Variants in NANOS3 observed in about 807,000 individuals in gnomAD.
NANOS3 encodes nanos homolog 3.
Under a neutral mutation model 13.8 loss-of-function variants are expected in NANOS3, and 11 were observed. That is an observed-to-expected ratio of 0.80 (90% CI 0.50 to 1.32). The LOEUF (loss-of-function observed/expected upper bound fraction) is 1.32. Ranked by LOEUF, NANOS3 falls within the 40% of genes most tolerant of loss-of-function variation. The pLI is 0.00. For missense variants in NANOS3, 221 were observed against 263.8 expected, an observed-to-expected ratio of 0.84 and a Z score of 1.12; for synonymous variants, 119 against 115.4, an observed-to-expected ratio of 1.03 and a Z score of -0.20.
chr19:13,865,567 G>GCGCCCCGGCCTCTGCGGCCCGGC (rs1976223588), intron 1 of NANOS3: 1 of 146,756 alleles, frequency 6.8e-6, no homozygotes, highest in Non-Finnish European at 1.5e-5. Context: ...CCCGGGGCGG[G>GCGCCCCGGCCTCTGCGGCCCGGC]CGCCCCGGCC....
upstream of NANOS3, among the ~76,000 whole-genome samples, chr19:13,875,316 A>G (rs968236733): frequency 1.3e-5 from 2 of 151,524 alleles, no homozygotes; most frequent in Non-Finnish European, 1.5e-5. Flanking sequence ...CCTCCCAAGT[A>G]GCTGGGATTA....
rs539600265 is a variant in NANOS3, at chr19:13,867,228, G to A, written n.21+1791G>A. 7.2e-5 allele frequency among the ~76,000 whole-genome samples: 11 copies of A among 152,094 alleles called. 1 individual carries two copies. Among genetic ancestry groups the A allele is most frequent in the Admixed American group, 5.2e-4 (8 of 15,250 alleles). On this transcript the variant is annotated intron_variant and non_coding_transcript_variant, in intron 1 of 2. Coordinates refer to the NANOS3 transcript ENST00000591161. ...AGTGCTGGGATTACAGGTGTGAACC[G>A]CCGCACCCGGCCACAGTTTCCTTTT...
chr19:13,868,454 T>C (rs971802162), intron 1 of NANOS3, among the ~76,000 whole-genome samples: 7 of 151,664 alleles, frequency 4.6e-5, no homozygotes, highest in African/African-American at 1.7e-4. Flanking sequence ...ACGAGCACAG[T>C]GGTTCACGCC....
chr19:13,868,821 G>A (rs201947240), intron 1 of NANOS3, among the ~76,000 whole-genome samples: 28 of 151,732 alleles, frequency 1.8e-4, no homozygotes, highest in East Asian at 3.9e-4. Context: ...AGACACCCAC[G>A]CACACTGGCT....
Position 13,877,597 on chromosome 19 carries a change from G to GCCACACGTGAGCGCGC in NANOS3, c.356_371dup (p.Arg125Ter). 6.2e-7 allele frequency: 1 copy of GCCACACGTGAGCGCGC among 1,612,092 alleles called. No homozygotes were observed. Among genetic ancestry groups the GCCACACGTGAGCGCGC allele is most frequent in the Non-Finnish European group, 8.5e-7 (1 of 1,179,990 alleles). On this transcript the variant is annotated frameshift_variant, in exon 1 of 2. Transcript: ENST00000339133. LOFTEE classifies it high-confidence loss of function. ...GGACTACGTGTGTCCCCAGTGCGGC[G>GCCACACGTGAGCGCGC]CCACACGTGAGCGCGCCCACACCCG...
At chr19:13,867,600 C>T (rs1303029098) in intron 1 of NANOS3, among the ~76,000 whole-genome samples, 8 of 151,536 alleles carry the variant, frequency 5.3e-5, no homozygotes, top group Non-Finnish European at 8.8e-5. Flanking sequence ...CTGGCTCTGT[C>T]ACCCAGACTG....
intron 1 of NANOS3, among the ~76,000 whole-genome samples, chr19:13,868,529 A>G (rs1054199144): frequency 1.3e-5 from 2 of 151,686 alleles, no homozygotes; most frequent in Admixed American, 6.6e-5. Context: ...TTTAAAAAAC[A>G]TATTAGCTGG....
chr19:13,867,086 G>A (rs1297395873), intron 1 of NANOS3, among the ~76,000 whole-genome samples: 5 of 151,954 alleles, frequency 3.3e-5, no homozygotes, highest in East Asian at 3.9e-4. Context: ...GATTACAGGC[G>A]CGTGCCACCA....
At position 13,877,194 on chromosome 19, in the gene NANOS3, C is replaced by G. The variant is rs369307916; in HGVS notation, c.-55C>G. 55 of 1,481,736 alleles carry G rather than the reference C, an allele frequency of 3.7e-5. No homozygotes were observed. The African/African-American group carries it at 5.5e-4, about 15-fold the overall frequency. 91.8% of individuals were successfully genotyped at this position (1,481,736 alleles called of 1,614,324 possible). A position where few individuals can be genotyped will look rare whatever the true frequency, so the allele number is the denominator to read the frequency against. ...GGGGTCAGAAGGAGGGAGCTTAAGC[C>G]AGGCAGGGTTACTTGTCTCTGTGAC... On this transcript the variant is annotated 5_prime_UTR_variant, in exon 1 of 2. Coordinates refer to ENST00000339133, the MANE Select transcript of NANOS3 (RefSeq NM_001098622.3).
upstream of NANOS3, among the ~76,000 whole-genome samples, chr19:13,873,484 G>GCGA (rs1002864031): frequency 5.9e-5 from 9 of 151,922 alleles, no homozygotes; most frequent in Non-Finnish European, 1.2e-4. Flanking sequence ...TTATTTTTTT[G>GCGA]CGACGACGGG....
upstream of NANOS3, among the ~76,000 whole-genome samples, chr19:13,863,435 C>G (rs1341023720): frequency 2.0e-5 from 3 of 152,096 alleles, no homozygotes; most frequent in East Asian, 5.8e-4. Flanking sequence ...CCAGACTGGT[C>G]TTGAACTCCT....
chr19:13,872,504 A>G (rs1484419491), upstream of NANOS3, among the ~76,000 whole-genome samples: 1 of 152,188 alleles, frequency 6.6e-6, no homozygotes, highest in Non-Finnish European at 1.5e-5. Flanking sequence ...TTCTGGACTA[A>G]CAGAGCCACT....
At position 13,869,753 on chromosome 19, in the gene NANOS3, TAC is replaced by T. The variant is rs147933094; in HGVS notation, n.21+4331_21+4332del. ...CCCGTGTCCCCCTTCCAGGCCCAAGTACACACACACACACACGCACGCACACA... is the reference window on the plus strand; with the variant it reads ...CCCGTGTCCCCCTTCCAGGCCCAAGTACACACACACACACGCACGCACACA... On this transcript the variant is annotated intron_variant and non_coding_transcript_variant, in intron 1 of 2. Coordinates refer to the NANOS3 transcript ENST00000591161. Among the ~76,000 whole-genome samples the T allele has an allele frequency of 8.3e-4, 122 of 146,324 alleles. No homozygotes were observed. The Middle Eastern group carries it at 0.011, about 13-fold the overall frequency.
At chr19:13,864,076 C>T (rs1480175800), upstream of NANOS3, among the ~76,000 whole-genome samples, 2 of 152,098 alleles carry the variant, frequency 1.3e-5, no homozygotes, top group Non-Finnish European at 2.9e-5. Context: ...GGGAGGCTGC[C>T]TGGCGCCATG....
At position 13,877,354 on chromosome 19, in the gene NANOS3, C is replaced by G; in HGVS notation, c.106C>G (p.Pro36Ala). 6.2e-7 allele frequency: 1 copy of G among 1,612,648 alleles called. No homozygotes were observed. Among genetic ancestry groups the G allele is most frequent in the Non-Finnish European group, 8.5e-7 (1 of 1,179,986 alleles). Reference sequence around the variant, plus strand: ...AACCAGGCTGAGCCCCCAGCCAGAGCCAGAGCCAATGCTGGAGCCGGTGTC... The same window carrying G: ...AACCAGGCTGAGCCCCCAGCCAGAGGCAGAGCCAATGCTGGAGCCGGTGTC... ...PETRLSPQPEPEPMLEPVSAL... is the reference protein window; with the variant it reads ...PETRLSPQPEAEPMLEPVSAL... Residue 36 changes from proline (P) to alanine (A), a missense_variant, in exon 1 of 2, where the codon CCA (proline) becomes GCA (alanine). Around this residue, in one of 3 missense-constraint regions of NANOS3, gnomAD observed 112 missense variants for 116.3 expected, o/e 0.96. Coordinates refer to ENST00000339133, the MANE Select transcript of NANOS3 (RefSeq NM_001098622.3).
In NANOS3 at chr19:13,877,695, G is replaced by A. The variant is rs1306060080; in HGVS notation, c.447G>A (p.Lys149=). 1.9e-6 allele frequency: 3 copies of A among 1,610,256 alleles called. No individual in the cohort carries two copies. The South Asian group carries it at 3.3e-5, about 18-fold the overall frequency. Residue 149 remains lysine, a synonymous_variant, in exon 1 of 2, where the codon AAG becomes AAA. Coordinates refer to ENST00000339133, the MANE Select transcript of NANOS3 (RefSeq NM_001098622.3). ...YSHTTRNSAG[K]KLVRPDKAKT... is the part of the protein sequence containing the mutation. ...ACACCACCCGAAACTCGGCAGGCAA[G>A]AAGCTGGTCCGGCCTGACAAGGCGA...
At chr19:13,866,568 CA>C (rs1226399714) in intron 1 of NANOS3, among the ~76,000 whole-genome samples, 1 of 152,220 alleles carries the variant, frequency 6.6e-6, no homozygotes, top group East Asian at 1.9e-4. Context: ...ACGTCACCCA[CA>C]AGGGCTCGGA....
At chr19:13,865,578 T>TCTGCGGCCCGGCCC (rs1315016612) in intron 1 of NANOS3, 1 of 146,338 alleles carries the variant, frequency 6.8e-6, no homozygotes, top group East Asian at 2.0e-4. Context: ...CGCCCCGGCC[T>TCTGCGGCCCGGCCC]CTGCGGCCCG....
At chr19:13,873,532 G>A (rs1433859034), upstream of NANOS3, among the ~76,000 whole-genome samples, 2 of 152,070 alleles carry the variant, frequency 1.3e-5, no homozygotes, top group Non-Finnish European at 2.9e-5. Flanking sequence ...ACAGTGGCGC[G>A]ATCACGGCTC....
Sources: allele counts gnomAD v4.1 joint callset (sites outside exome capture counted in the v4.1 genomes callset), GRCh38; gene constraint gnomAD v4.1.1; regional missense constraint gnomAD v4.1.1; transcripts MANE v1.5; gene names NCBI Gene and HGNC (gene_info 2026-07-23, HGNC 2026-07-21).